EPB41L5: variants seen among roughly 807,000 people sequenced by gnomAD.
EPB41L5 encodes band 4.1-like protein 5.
A neutral mutation model predicts 106.6 loss-of-function variants in EPB41L5; 55 were observed. That is an observed-to-expected ratio of 0.52 (90% CI 0.42 to 0.65). The LOEUF is 0.65. Among genes scored for constraint, EPB41L5 ranks in the 30% least tolerant of loss-of-function variants. The pLI is 0.00. For missense variants in EPB41L5, 871 were observed against 882.1 expected, an observed-to-expected ratio of 0.99 and a Z score of 0.16; for synonymous variants, 297 against 306.7, an observed-to-expected ratio of 0.97 and a Z score of 0.33.
rs137963022 is a variant in EPB41L5 at position 120,077,288 on chromosome 2, T to C, written c.686T>C (p.Met229Thr). 5.0e-6 allele frequency: 8 copies of C among 1,611,986 alleles called. No individual in the cohort carries two copies. Among genetic ancestry groups the C allele is most frequent in the South Asian group, 1.1e-5 (1 of 90,750 alleles). The change falls in exon 9 of 25, where the codon ATG becomes ACG. Residue 229 changes from methionine (M) to threonine (T), a missense_variant. Physicochemically the swap from Met to Thr is moderately conservative, Grantham distance 81 (BLOSUM62 -1). Coordinates refer to ENST00000263713, the MANE Select transcript of EPB41L5 (RefSeq NM_020909.4). ...NYLNKAKWLEMYGVDMHVVKA... is the reference protein window; with the variant it reads ...NYLNKAKWLETYGVDMHVVKA... ...CTGAATAAAGCCAAATGGCTAGAAA[T>C]GTATGGGGTTGATATGCATGTGGTC...
In EPB41L5 at chr2:120,047,589, C is replaced by T. The variant is rs1679884767; in HGVS notation, c.285+5479C>T. On this transcript the variant is annotated intron_variant, in intron 3 of 24. Transcript: ENST00000263713. ...GAGATGATGGGGTTTTCTAAATATA[C>T]AATCATGTCATCTGCAAACAGGGAC... 2.6e-5 allele frequency among the ~76,000 whole-genome samples: 4 copies of T among 152,058 alleles called. 1 individual carries two copies. The South Asian group carries it at 6.2e-4, about 24-fold the overall frequency.
At chr2:120,150,107 G>A (rs1558907539) in intron 20 of EPB41L5, among the ~76,000 whole-genome samples, 1 of 151,966 alleles carries the variant, frequency 6.6e-6, no homozygotes, top group East Asian at 1.9e-4. Flanking sequence ...TGTTGCCCAG[G>A]CTGGTCTTCG....
chr2:120,169,223 G>T (rs1687557662), intron 24 of EPB41L5, among the ~76,000 whole-genome samples: 2 of 152,156 alleles, frequency 1.3e-5, no homozygotes, highest in Non-Finnish European at 2.9e-5. Context: ...AAATGATGAT[G>T]CAATGCTGTA....
At chr2:120,100,861 T>C in intron 16 of EPB41L5, 47 bp downstream of exon 16, 1 of 1,265,166 alleles carries the variant, frequency 7.9e-7, no homozygotes, top group Non-Finnish European at 1.1e-6. Context: ...TAGTTAATTG[T>C]ATTTGGAATT....
intron 2 of EPB41L5, among the ~76,000 whole-genome samples, chr2:120,041,038 A>G (rs1377053497): frequency 2.6e-5 from 4 of 152,220 alleles, no homozygotes; most frequent in Non-Finnish European, 5.9e-5. Flanking sequence ...TTACAGTATT[A>G]GAAATTAAAA....
intron 3 of EPB41L5, among the ~76,000 whole-genome samples, chr2:120,046,837 A>G (rs142355987): frequency 0.033 from 4,955 of 152,182 alleles, 270 homozygotes; most frequent in African/African-American, 0.11. Flanking sequence ...TAATTTTTGT[A>G]TAAGGTGTAA....
chr2:120,100,440 C>A (rs1684066602), intron 15 of EPB41L5, among the ~76,000 whole-genome samples, 154 bp downstream of exon 15: 1 of 152,082 alleles, frequency 6.6e-6, no homozygotes, highest in African/African-American at 2.4e-5. Flanking sequence ...GTAATAACTT[C>A]CGGTTATTTT....
At chr2:120,075,670 C>T in intron 6 of EPB41L5, 31 bp from the exon 7 acceptor site, 1 of 1,589,500 alleles carries the variant, frequency 6.3e-7, no homozygotes, top group African/African-American at 1.3e-5. Context: ...ATGAAATCAA[C>T]TTGTCTAACA....
chr2:120,139,477 T>C (rs772752946), intron 18 of EPB41L5, among the ~76,000 whole-genome samples: 80 of 151,896 alleles, frequency 5.3e-4, no homozygotes, highest in Non-Finnish European at 8.6e-4. Flanking sequence ...GACAACTCAA[T>C]AGGAAAAAAA....
intron 10 of EPB41L5, among the ~76,000 whole-genome samples, chr2:120,083,676 G>A (rs1330713282): frequency 4.6e-5 from 7 of 151,600 alleles, no homozygotes; most frequent in African/African-American, 1.5e-4. Context: ...TTTCTGTCTC[G>A]ATCTGTCTAA....
At chr2:120,164,667 T>C (rs1687309913) in intron 21 of EPB41L5, among the ~76,000 whole-genome samples, 169 bp from the exon 22 acceptor site, 1 of 152,226 alleles carries the variant, frequency 6.6e-6, no homozygotes. Flanking sequence ...TTTCCCTCCA[T>C]GCAGAAGTGG....
chr2:120,170,254 C>T (rs886769328), intron 24 of EPB41L5, among the ~76,000 whole-genome samples: 1 of 152,264 alleles, frequency 6.6e-6, no homozygotes, highest in Non-Finnish European at 1.5e-5. Flanking sequence ...TGTGCAACAA[C>T]TTACCACAAA....
At chr2:120,045,188 C>T (rs1230543050) in intron 3 of EPB41L5, among the ~76,000 whole-genome samples, 1 of 152,138 alleles carries the variant, frequency 6.6e-6, no homozygotes, top group Non-Finnish European at 1.5e-5. Flanking sequence ...CAGTCCAAAA[C>T]GTCTATGACT....
At chr2:120,052,459 T>G (rs1680351790) in intron 3 of EPB41L5, among the ~76,000 whole-genome samples, 1 of 152,250 alleles carries the variant, frequency 6.6e-6, no homozygotes, top group Non-Finnish European at 1.5e-5. Flanking sequence ...GAAGTTATTC[T>G]TTTTTCCCTT....
intron 3 of EPB41L5, among the ~76,000 whole-genome samples, chr2:120,051,885 G>T (rs1258798752): frequency 6.6e-6 from 1 of 152,082 alleles, no homozygotes; most frequent in Non-Finnish European, 1.5e-5. Context: ...GGAGTGCAGT[G>T]ACGTGGTCTT....
chr2:120,077,308 G>A lies in EPB41L5; in HGVS notation c.706G>A (p.Val236Met), dbSNP rs1682315323. The A allele has an allele frequency of 1.2e-6, 2 of 1,610,846 alleles. No individual in the cohort carries two copies. Among genetic ancestry groups the A allele is most frequent in the Non-Finnish European group, 1.7e-6 (2 of 1,178,074 alleles). Residue 236 changes from valine to methionine, a missense_variant, in exon 9 of 25, where the codon GTG becomes ATG. Coordinates refer to ENST00000263713, the MANE Select transcript of EPB41L5 (RefSeq NM_020909.4). The part of the protein sequence containing the change: ...WLEMYGVDMH[V>M]VKARDGNDYS... ...AGAAATGTATGGGGTTGATATGCAT[G>A]TGGTCAAGGTAAGCATTGTGTTGTG...
rs3738970 is a variant in EPB41L5 at position 120,073,239 on chromosome 2, A to G, written c.328+19A>G. 0.76 allele frequency: 1,206,232 copies of G among 1,585,338 alleles called. 464,422 individuals are homozygous for G. Among genetic ancestry groups the G allele is most frequent in the Non-Finnish European group, 0.79 (923,371 of 1,164,938 alleles). ...GTAAAAAGTAAGTGCAGACAAAATT[A>G]TTTGTGGGGGGGAAAGGAAATAGAA... On this transcript the variant is annotated intron_variant, in intron 4 of 24. Transcript: ENST00000263713.
At chr2:120,059,742 A>G (rs568603378) in intron 3 of EPB41L5, among the ~76,000 whole-genome samples, 1 of 152,220 alleles carries the variant, frequency 6.6e-6, no homozygotes, top group South Asian at 2.1e-4. Context: ...GTCTCTACAA[A>G]AAAAAACAAA....
chr2:120,100,374 A>G (rs1364965545), intron 15 of EPB41L5, 88 bp downstream of exon 15: 16 of 1,239,834 alleles, frequency 1.3e-5, no homozygotes, highest in East Asian at 4.7e-5. Flanking sequence ...ATAGTGGTGT[A>G]TGTAACCCTG....
Sources: allele counts gnomAD v4.1 joint callset (sites outside exome capture counted in the v4.1 genomes callset), GRCh38; gene constraint gnomAD v4.1.1; transcripts MANE v1.5; gene names NCBI Gene and HGNC (gene_info 2026-07-23, HGNC 2026-07-21).